Variants in TSHZ2 observed in about 807,000 individuals in gnomAD.
The protein encoded by TSHZ2 is teashirt homolog 2.
In TSHZ2, 21 loss-of-function variants were observed where a neutral mutation model predicts 74.4. That is an observed-to-expected ratio of 0.28 (90% CI 0.20 to 0.41). The LOEUF (loss-of-function observed/expected upper bound fraction) is 0.41. TSHZ2 is among the 10% of genes least tolerant of loss of function. The pLI, the probability that TSHZ2 is intolerant of heterozygous loss-of-function variation, is 1.00. For missense variants in TSHZ2, 1,244 were observed against 1,293.5 expected (o/e 0.96, Z 0.59); for synonymous variants, 540 against 515.3 (o/e 1.05, Z -0.65).
chr20:53,119,904 A>G (rs1286645648), intron 1 of TSHZ2, among the ~76,000 whole-genome samples: 1 of 152,216 alleles, frequency 6.6e-6, no homozygotes, highest in African/African-American at 2.4e-5. Flanking sequence ...ATAACTTCTC[A>G]TAATAAGGAA....
chr20:53,323,211 G>A (rs555722085), intron 2 of TSHZ2, among the ~76,000 whole-genome samples: 1 of 152,312 alleles, frequency 6.6e-6, no homozygotes, highest in Admixed American at 6.5e-5. Context: ...CCTTGGGGCT[G>A]AGGCACCTAT....
At chr20:53,163,348 C>A (rs544973334) in intron 1 of TSHZ2, among the ~76,000 whole-genome samples, 3 of 136,534 alleles carry the variant, frequency 2.2e-5, no homozygotes, top group African/African-American at 8.1e-5. Flanking sequence ...AGTGCACGCA[C>A]GCTCTCTGTC....
At chr20:53,090,224 T>C (rs1261314578) in intron 1 of TSHZ2, among the ~76,000 whole-genome samples, 3 of 152,186 alleles carry the variant, frequency 2.0e-5, no homozygotes, top group African/African-American at 7.2e-5. Context: ...GTAGCTGTGC[T>C]GGCAGCTGAC....
intron 2 of TSHZ2, among the ~76,000 whole-genome samples, chr20:53,383,412 C>T (rs1793239528): frequency 6.6e-6 from 1 of 152,094 alleles, no homozygotes; most frequent in African/African-American, 2.4e-5. Context: ...TACAAATACC[C>T]TAGAAGTTCC....
chr20:53,218,320 T>C (rs900293599), intron 1 of TSHZ2, among the ~76,000 whole-genome samples: 3 of 152,228 alleles, frequency 2.0e-5, no homozygotes, highest in Non-Finnish European at 4.4e-5. Flanking sequence ...ATGGGAAACA[T>C]TGAGATGCAT....
intron 2 of TSHZ2, among the ~76,000 whole-genome samples, chr20:53,354,041 T>C (rs1282799044): frequency 6.6e-6 from 1 of 152,204 alleles, no homozygotes; most frequent in African/African-American, 2.4e-5. Context: ...AAGGATTCAG[T>C]GTAATGCCGT....
At chr20:53,001,455 T>TA (rs886249781) in intron 1 of TSHZ2, among the ~76,000 whole-genome samples, 1 of 152,026 alleles carries the variant, frequency 6.6e-6, no homozygotes, top group Non-Finnish European at 1.5e-5. Flanking sequence ...CAACTAGTGT[T>TA]AAAAACACAT....
At chr20:53,048,116 A>G (rs1984293920) in intron 1 of TSHZ2, among the ~76,000 whole-genome samples, 2 of 152,256 alleles carry the variant, frequency 1.3e-5, no homozygotes, top group Admixed American at 6.5e-5. Flanking sequence ...AACATTCTGC[A>G]TCATTCTCCA....
chr20:53,280,839 C>T (rs1004240358), intron 2 of TSHZ2, among the ~76,000 whole-genome samples: 11 of 152,008 alleles, frequency 7.2e-5, no homozygotes, highest in Non-Finnish European at 1.3e-4. Flanking sequence ...ACTAGAGGTG[C>T]GTGCCACGAC....
chr20:53,314,425 G>A (rs1231613550), intron 2 of TSHZ2, among the ~76,000 whole-genome samples: 1 of 152,066 alleles, frequency 6.6e-6, no homozygotes, highest in East Asian at 1.9e-4. Context: ...TGTGGGTCAG[G>A]AATTCAGGCA....
intron 1 of TSHZ2, among the ~76,000 whole-genome samples, chr20:53,043,121 A>G (rs986597132): frequency 6.6e-5 from 10 of 152,244 alleles, no homozygotes; most frequent in African/African-American, 2.4e-4. Flanking sequence ...GTTAGCATCT[A>G]TGTCTGCATG....
intron 1 of TSHZ2, among the ~76,000 whole-genome samples, chr20:53,139,169 C>G (rs912183676): frequency 3.3e-5 from 5 of 152,214 alleles, no homozygotes; most frequent in African/African-American, 4.8e-5. Flanking sequence ...ATAACACTCA[C>G]AAGACTTACT....
chr20:53,012,473 GAT>G (rs1435563268), intron 1 of TSHZ2, among the ~76,000 whole-genome samples: 1 of 152,140 alleles, frequency 6.6e-6, no homozygotes, highest in Non-Finnish European at 1.5e-5. Context: ...CATTTAACAA[GAT>G]CCGCAGGTGG....
At chr20:53,288,954 T>C (rs1422120169) in intron 2 of TSHZ2, among the ~76,000 whole-genome samples, 2 of 152,178 alleles carry the variant, frequency 1.3e-5, no homozygotes, top group Non-Finnish European at 2.9e-5. Flanking sequence ...TGTAGTCTTT[T>C]ATCCCTCACC....
chr20:53,373,202 C>T (rs1379734579), intron 2 of TSHZ2, among the ~76,000 whole-genome samples: 1 of 152,200 alleles, frequency 6.6e-6, no homozygotes, highest in East Asian at 1.9e-4. Context: ...CTATGGTTTT[C>T]TATAATTCTG....
intron 1 of TSHZ2, chr20:53,178,213 G>A (rs962501313): frequency 6.6e-6 from 1 of 152,204 alleles, no homozygotes; most frequent in African/African-American, 2.4e-5. Context: ...AGACAGCGAT[G>A]CCACACGAAC....
At chr20:53,414,667 A>AT (rs397959585) in intron 2 of TSHZ2, among the ~76,000 whole-genome samples, 1 of 152,112 alleles carries the variant, frequency 6.6e-6, no homozygotes, top group South Asian at 2.1e-4. Flanking sequence ...CTTAAAAAAA[A>AT]TTTTATTTAA....
At chr20:53,438,276 A>G (rs571584966) in intron 2 of TSHZ2, among the ~76,000 whole-genome samples, 1 of 151,718 alleles carries the variant, frequency 6.6e-6, no homozygotes, top group Admixed American at 6.6e-5. Context: ...CACCCCGCTA[A>G]TTTTTTGTAC....
chr20:53,002,738 A>G (rs747324950), intron 1 of TSHZ2, among the ~76,000 whole-genome samples: 2 of 152,236 alleles, frequency 1.3e-5, no homozygotes, highest in African/African-American at 4.8e-5. Context: ...TGTCCAGTAC[A>G]GTATTTGGGA....
Sources: gnomAD v4.1 joint callset for allele counts (sites outside exome capture counted in the v4.1 genomes callset) on GRCh38, gnomAD v4.1.1 for gene constraint, MANE v1.5 for transcripts, NCBI Gene and HGNC (gene_info 2026-07-23, HGNC 2026-07-21) for gene names.